The following DOCK10 variants were observed in gnomAD, a reference collection of about 807,000 sequenced individuals.
DOCK10 encodes dedicator of cytokinesis 10, also known as dedicator of cytokinesis protein 10.
DOCK10 carries 145 observed loss-of-function variants against 280.1 expected under a neutral mutation model. The observed-to-expected ratio is 0.52, with a 90% confidence interval of 0.45 to 0.59. DOCK10 has a LOEUF of 0.59. Ranked by LOEUF, DOCK10 falls within the 20% of genes least tolerant of loss-of-function variation. The probability of loss-of-function intolerance (pLI) is 0.00; values close to 1 mark genes in which losing one functional copy is unlikely to be tolerated. For synonymous variants in DOCK10, 915 were observed against 942.2 expected (o/e 0.97, Z 0.53); for missense variants, 2,368 against 2,651.7 (o/e 0.89, Z 2.35).
chr2:224,782,335 A>C (rs191687334), intron 50 of DOCK10, among the ~76,000 whole-genome samples: 1 of 152,304 alleles, frequency 6.6e-6, no homozygotes, highest in East Asian at 1.9e-4. Flanking sequence ...GGATAGAATA[A>C]AATTCTTCCA....
At chr2:224,824,808 T>C (rs1043379211) in intron 27 of DOCK10, among the ~76,000 whole-genome samples, 4 of 152,004 alleles carry the variant, frequency 2.6e-5, no homozygotes, top group African/African-American at 9.7e-5. Context: ...TCACTATAGA[T>C]AGAATCATGG....
At chr2:224,961,442 CTTTCTTTCTTTCTTTCTTTCTTTCTT>C (rs1704420105) in intron 1 of DOCK10, among the ~76,000 whole-genome samples, 2 of 129,846 alleles carry the variant, frequency 1.5e-5, no homozygotes, top group East Asian at 2.4e-4. Context: ...TTCTTTCTTT[CTTTCTTTCTTTCTTTCTTTCTTTCTT>C]TTTCTTTCTT....
At position 224,896,327 on chromosome 2, in the gene DOCK10, T is replaced by G; in HGVS notation, c.384A>C (p.Glu128Asp). 1.9e-6 allele frequency: 3 copies of G among 1,607,258 alleles called. No homozygotes were observed. Among genetic ancestry groups the G allele is most frequent in the Non-Finnish European group, 2.6e-6 (3 of 1,175,500 alleles). Residue 128 changes from glutamate to aspartate, a missense_variant, in exon 4 of 56, where the codon GAA (glutamate) becomes GAC (aspartate). Glu to Asp is a conservative substitution (Grantham distance 45, BLOSUM62 2). Around this residue, in one of 2 missense-constraint regions of DOCK10, gnomAD observed 1,209 missense variants for 1,250.9 expected, o/e 0.97. Transcript: ENST00000258390. ...SQWHVVNYKY[E>D]QYSGDIRQLP... Reference sequence around the variant, plus strand: ...GCTGTCGAATGTCTCCAGAATATTGTTCATATTTGTAGTTTACCACATGCC... The same window carrying G: ...GCTGTCGAATGTCTCCAGAATATTGGTCATATTTGTAGTTTACCACATGCC...
At chr2:224,779,364 T>C (rs1173161085) in intron 50 of DOCK10, among the ~76,000 whole-genome samples, 1 of 152,026 alleles carries the variant, frequency 6.6e-6, no homozygotes, top group Non-Finnish European at 1.5e-5. Flanking sequence ...TGCAGATGTG[T>C]ACCACCACGC....
Position 224,961,538 on chromosome 2 carries a change from C to T in DOCK10, c.124-29870G>A, listed in dbSNP as rs190856199. 2.3e-3 allele frequency among the ~76,000 whole-genome samples: 343 copies of T among 147,464 alleles called. 3 individuals are homozygous for T. The highest frequency in any genetic ancestry group is 2.7e-3 in the Non-Finnish European group (184 of 67,102). ...CATTTTTTTTTTTGAGACGGAGCCT[C>T]GCTCTGTTGCCAGGCTGGAGTGCAG... On this transcript the variant is annotated intron_variant, in intron 1 of 55. Transcript: ENST00000258390.
intron 7 of DOCK10, among the ~76,000 whole-genome samples, chr2:224,877,216 A>AAAG (rs1287979458): frequency 6.6e-6 from 1 of 152,234 alleles, no homozygotes; most frequent in Non-Finnish European, 1.5e-5. Context: ...ACAAAGGGAC[A>AAAG]AAGTTCTTGT....
chr2:225,024,727 C>CA (rs60970681), intron 1 of DOCK10, among the ~76,000 whole-genome samples: 45,790 of 145,258 alleles, frequency 0.32, 7,173 homozygotes, highest in Middle Eastern at 0.52. Flanking sequence ...ACTAAAAATA[C>CA]AAAAAAAAAA....
chr2:224,787,429 C>T, intron 48 of DOCK10, 32 bp from the exon 49 acceptor site: 1 of 1,612,884 alleles, frequency 6.2e-7, no homozygotes, highest in Non-Finnish European at 8.5e-7. Context: ...TAAGATTTTA[C>T]ATGATTAGGG....
intron 1 of DOCK10, among the ~76,000 whole-genome samples, chr2:224,995,291 C>T (rs886636636): frequency 2.6e-5 from 4 of 152,218 alleles, no homozygotes; most frequent in African/African-American, 4.8e-5. Context: ...GAAGGAACTA[C>T]ACAGGGCATG....
chr2:224,824,916 T>C (rs1028352660), intron 27 of DOCK10, among the ~76,000 whole-genome samples: 1 of 152,010 alleles, frequency 6.6e-6, no homozygotes, highest in Non-Finnish European at 1.5e-5. Context: ...TTACAGGAGT[T>C]GTATGAAACA....
intron 4 of DOCK10, among the ~76,000 whole-genome samples, chr2:224,894,493 A>C (rs1559686384): frequency 6.6e-6 from 1 of 152,202 alleles, no homozygotes; most frequent in African/African-American, 2.4e-5. Context: ...ACCACTTCTC[A>C]GAACTATTTT....
chr2:225,031,264 C>T (rs552854929), intron 1 of DOCK10, among the ~76,000 whole-genome samples: 5 of 152,328 alleles, frequency 3.3e-5, no homozygotes, highest in African/African-American at 9.6e-5. Context: ...ATCAGCCTCC[C>T]ATTTCCATAC....
intron 1 of DOCK10, among the ~76,000 whole-genome samples, chr2:224,964,050 A>G (rs532853850): frequency 5.4e-4 from 81 of 150,700 alleles, no homozygotes; most frequent in South Asian, 2.5e-3. Context: ...TATATTTTCG[A>G]AATACCTATT....
chr2:224,975,180 C>T (rs1290358486), intron 1 of DOCK10, among the ~76,000 whole-genome samples: 1 of 152,070 alleles, frequency 6.6e-6, no homozygotes, highest in Admixed American at 6.6e-5. Context: ...GCCTTTACCT[C>T]GAAGATTTAT....
intron 3 of DOCK10, among the ~76,000 whole-genome samples, chr2:224,902,832 G>A (rs950955583): frequency 2.0e-5 from 3 of 151,988 alleles, no homozygotes; most frequent in Admixed American, 6.6e-5. Flanking sequence ...GGTGGCTCAC[G>A]CTTGTAATCC....
rs747862464 is a variant in DOCK10 at position 224,862,730 on chromosome 2, A to C, written c.1619T>G (p.Leu540Arg). 1 of 1,609,616 alleles carries C rather than the reference A, an allele frequency of 6.2e-7. No individual in the cohort carries two copies. Among genetic ancestry groups the C allele is most frequent in the Non-Finnish European group, 8.5e-7 (1 of 1,177,394 alleles). The stretch of plus-strand genomic sequence containing the variant: ...GCTGCAGAATTGTCTGTTGGATTTT[A>C]GTATCTTTTGTGCATACTAAAGAAA... ...PDSNKYAQKI[L>R]KSNRQFCSKL... Residue 540 changes from leucine (L) to arginine (R), a missense_variant, in exon 14 of 56, where the codon CTA becomes CGA. Coordinates refer to ENST00000258390, the MANE Select transcript of DOCK10 (RefSeq NM_014689.3).
intron 1 of DOCK10, among the ~76,000 whole-genome samples, chr2:224,964,427 A>G (rs1704617474): frequency 6.6e-6 from 1 of 152,176 alleles, no homozygotes; most frequent in African/African-American, 2.4e-5. Context: ...GGAATAAAAT[A>G]ATGATTTTTC....
intron 2 of DOCK10, among the ~76,000 whole-genome samples, chr2:224,919,086 AGTGT>A (rs1480675372): frequency 2.6e-5 from 3 of 117,454 alleles, no homozygotes; most frequent in Admixed American, 1.7e-4. Flanking sequence ...GTGTGTGGGG[AGTGT>A]GTGTATGTAT....
chr2:224,996,410 A>G (rs9288595), intron 1 of DOCK10, among the ~76,000 whole-genome samples: 41,410 of 152,212 alleles, frequency 0.27, 10,095 homozygotes, highest in African/African-American at 0.66. Context: ...TCAGCTGTGT[A>G]ACAATGGAGA....
Sources: allele counts gnomAD v4.1 joint callset (sites outside exome capture counted in the v4.1 genomes callset), GRCh38; gene constraint gnomAD v4.1.1; regional missense constraint gnomAD v4.1.1; transcripts MANE v1.5; gene names NCBI Gene and HGNC (gene_info 2026-07-23, HGNC 2026-07-21).